Variants in PDGFD observed in about 807,000 individuals in gnomAD.
The protein encoded by PDGFD is platelet derived growth factor D.
Under a neutral mutation model 44.7 loss-of-function variants are expected in PDGFD, and 30 were observed. That is an observed-to-expected ratio of 0.67 (90% CI 0.50 to 0.91). PDGFD has a LOEUF of 0.91. Among genes scored for constraint, PDGFD ranks in the 40% least tolerant of loss-of-function variants. The pLI, the probability that PDGFD is intolerant of heterozygous loss-of-function variation, is 0.00. For missense variants in PDGFD, 445 were observed against 457.8 expected, an observed-to-expected ratio of 0.97 and a Z score of 0.25; for synonymous variants, 173 against 168.4, an observed-to-expected ratio of 1.03 and a Z score of -0.21.
chr11:104,101,646 T>C (rs529725297), intron 1 of PDGFD, among the ~76,000 whole-genome samples: 2 of 152,236 alleles, frequency 1.3e-5, no homozygotes, highest in Non-Finnish European at 2.9e-5. Context: ...AGAACAAAGC[T>C]GGAGGCAGCA....
intron 1 of PDGFD, among the ~76,000 whole-genome samples, chr11:104,113,058 C>A (rs1861583462): frequency 6.6e-6 from 1 of 151,964 alleles, no homozygotes; most frequent in Non-Finnish European, 1.5e-5. Context: ...ACCTACAATA[C>A]CAAAAGAGGA....
At chr11:104,099,697 T>C (rs1333925415) in intron 1 of PDGFD, among the ~76,000 whole-genome samples, 2 of 150,434 alleles carry the variant, frequency 1.3e-5, no homozygotes, top group Non-Finnish European at 3.0e-5. Flanking sequence ...AAAAATGGAA[T>C]ATATCTCATC....
At chr11:103,945,217 T>C (rs1316590738) in intron 4 of PDGFD, among the ~76,000 whole-genome samples, 1 of 152,130 alleles carries the variant, frequency 6.6e-6, no homozygotes, top group African/African-American at 2.4e-5. Context: ...ATAGCTCTCA[T>C]CTGGGTGCAG....
intron 1 of PDGFD, among the ~76,000 whole-genome samples, chr11:104,007,946 G>GT (rs1859729543): frequency 6.6e-6 from 1 of 152,114 alleles, no homozygotes. Context: ...CTTTCATTCT[G>GT]TTTTTTATAA....
At chr11:104,088,012 C>T (rs1362189425) in intron 1 of PDGFD, among the ~76,000 whole-genome samples, 1 of 152,190 alleles carries the variant, frequency 6.6e-6, no homozygotes, top group Non-Finnish European at 1.5e-5. Context: ...TTGAAGGAAG[C>T]TGAAGGCTTT....
chr11:103,954,795 C>T (rs900646083), intron 3 of PDGFD, among the ~76,000 whole-genome samples: 1 of 152,068 alleles, frequency 6.6e-6, no homozygotes, highest in African/African-American at 2.4e-5. Flanking sequence ...TTTCTAAATG[C>T]TTAATGCTTT....
chr11:103,964,466 A>G (rs903312814), intron 3 of PDGFD, among the ~76,000 whole-genome samples: 1 of 152,194 alleles, frequency 6.6e-6, no homozygotes, highest in African/African-American at 2.4e-5. Context: ...TGAGAGAGCC[A>G]GGACTAGATC....
intron 1 of PDGFD, among the ~76,000 whole-genome samples, chr11:104,137,976 T>C (rs1291980822): frequency 6.6e-6 from 1 of 152,112 alleles, no homozygotes; most frequent in African/African-American, 2.4e-5. Context: ...CAAGGCTATC[T>C]CTGCAGCAGA....
chr11:103,941,611 A>G (rs1457100873), intron 5 of PDGFD, among the ~76,000 whole-genome samples: 1 of 152,060 alleles, frequency 6.6e-6, no homozygotes, highest in African/African-American at 2.4e-5. Context: ...GAAAACTGAG[A>G]TCAGGGTGCC....
chr11:104,034,983 C>G (rs1860199778), intron 1 of PDGFD, among the ~76,000 whole-genome samples: 1 of 152,062 alleles, frequency 6.6e-6, no homozygotes, highest in Admixed American at 6.6e-5. Flanking sequence ...AACTGGCATG[C>G]AAGGATTTCT....
intron 1 of PDGFD, among the ~76,000 whole-genome samples, chr11:104,095,921 A>G (rs1409607374): frequency 1.3e-5 from 2 of 152,186 alleles, no homozygotes; most frequent in African/African-American, 2.4e-5. Flanking sequence ...TAGCTCTATT[A>G]GTTCTGAAGC....
chr11:104,160,138 T>C (rs543738562), intron 1 of PDGFD, among the ~76,000 whole-genome samples: 4 of 152,174 alleles, frequency 2.6e-5, no homozygotes, highest in Non-Finnish European at 4.4e-5. Flanking sequence ...ACGATGACAA[T>C]AGAAACCACA....
intron 4 of PDGFD, among the ~76,000 whole-genome samples, chr11:103,944,812 T>A (rs770998496): frequency 6.6e-6 from 1 of 152,138 alleles, no homozygotes; most frequent in Non-Finnish European, 1.5e-5. Flanking sequence ...TTCACACAAG[T>A]AAGAGGCTTT....
intron 1 of PDGFD, among the ~76,000 whole-genome samples, chr11:104,111,234 T>C (rs1420519722): frequency 1.3e-5 from 2 of 151,708 alleles, no homozygotes; most frequent in Non-Finnish European, 2.9e-5. Context: ...AAATCTATCT[T>C]ATATGATCTG....
chr11:104,162,398 T>C (rs1340669256), intron 1 of PDGFD, among the ~76,000 whole-genome samples: 3 of 152,000 alleles, frequency 2.0e-5, no homozygotes, highest in East Asian at 1.9e-4. Context: ...AGTGGAAACA[T>C]TAAAGAGTAA....
intron 1 of PDGFD, among the ~76,000 whole-genome samples, chr11:104,144,539 CA>C (rs1327291567): frequency 0.018 from 2,028 of 114,196 alleles, 17 homozygotes; most frequent in African/African-American, 0.033. Flanking sequence ...CCCAACAAAA[CA>C]AAACAAACAA....
intron 1 of PDGFD, among the ~76,000 whole-genome samples, chr11:104,049,897 G>A (rs925491729): frequency 1.4e-4 from 21 of 152,222 alleles, no homozygotes; most frequent in African/African-American, 4.6e-4. Flanking sequence ...GGGGGTTGAG[G>A]AGCCAATTGG....
chr11:104,139,137 T>G (rs1362995025), intron 1 of PDGFD, among the ~76,000 whole-genome samples: 1 of 149,196 alleles, frequency 6.7e-6, no homozygotes. Flanking sequence ...TCTTCCCATT[T>G]GATAATTCAT....
At chr11:104,137,566 C>G (rs939830328) in intron 1 of PDGFD, among the ~76,000 whole-genome samples, 1 of 152,036 alleles carries the variant, frequency 6.6e-6, no homozygotes, top group African/African-American at 2.4e-5. Flanking sequence ...CTTTAGTATT[C>G]CATACTTTAC....
Sources: allele counts gnomAD v4.1 joint callset (sites outside exome capture counted in the v4.1 genomes callset), GRCh38; gene constraint gnomAD v4.1.1; transcripts MANE v1.5; gene names NCBI Gene and HGNC (gene_info 2026-07-23, HGNC 2026-07-21).